ASPHD2: variants seen among roughly 807,000 people sequenced by gnomAD.
The protein encoded by ASPHD2 is aspartate beta-hydroxylase domain containing 2.
A neutral mutation model predicts 34.6 loss-of-function variants in ASPHD2; 12 were observed. The ratio of observed to expected loss-of-function variants is 0.35; its 90% CI spans 0.22 to 0.56. The LOEUF is 0.56. Ranked by LOEUF, ASPHD2 falls within the 20% of genes least tolerant of loss-of-function variation. ASPHD2 has a pLI of 0.87. For synonymous variants in ASPHD2, 224 were observed against 212.2 expected, an observed-to-expected ratio of 1.06 and a Z score of -0.48; for missense variants, 375 against 505.0, an observed-to-expected ratio of 0.74 and a Z score of 2.47.
At chr22:26,432,531 A>G (rs2084763523) in intron 1 of ASPHD2, among the ~76,000 whole-genome samples, 1 of 152,234 alleles carries the variant, frequency 6.6e-6, no homozygotes, top group African/African-American at 2.4e-5. Flanking sequence ...CTTAGGCAGC[A>G]TGACATTCAG....
At chr22:26,437,276 A>G (rs1167902921) in intron 2 of ASPHD2, among the ~76,000 whole-genome samples, 1 of 152,210 alleles carries the variant, frequency 6.6e-6, no homozygotes, top group African/African-American at 2.4e-5. Context: ...TGCTCTTGAA[A>G]TGCCAATGCT....
At chr22:26,442,647 C>T in intron 3 of ASPHD2, 75 bp downstream of exon 3, 1 of 1,252,156 alleles carries the variant, frequency 8.0e-7, no homozygotes, top group Non-Finnish European at 1.1e-6. Context: ...TTTAGGTTTC[C>T]AGAAAAATCA....
At chr22:26,440,405 C>T (rs2084828595) in intron 2 of ASPHD2, among the ~76,000 whole-genome samples, 3 of 152,134 alleles carry the variant, frequency 2.0e-5, no homozygotes, top group Admixed American at 6.5e-5. Context: ...AATCTCGGCT[C>T]ACTGCAACCT....
chr22:26,437,830 C>T (rs1205843189), intron 2 of ASPHD2, among the ~76,000 whole-genome samples: 2 of 151,910 alleles, frequency 1.3e-5, no homozygotes, highest in East Asian at 1.9e-4. Flanking sequence ...TTTCAGGGCT[C>T]GGTAGGGACA....
In ASPHD2 at chr22:26,438,496, C is replaced by CATATATAT. The variant is rs1568983882; in HGVS notation, c.887-3962_887-3961insTATATATA. Among the ~76,000 whole-genome samples, 44 of 88,372 alleles carry CATATATAT rather than the reference C, an allele frequency of 5.0e-4. 1 individual carries two copies. The highest frequency in any genetic ancestry group is 5.1e-3 in the Middle Eastern group (1 of 198). The allele number at this position is 88,372 out of a possible 152,430, so 58.0% of individuals were successfully genotyped here. On this transcript the variant is annotated intron_variant, in intron 2 of 3. Transcript: ENST00000215906. ...ATATATATACATATATATAGATACA[C>CATATATAT]ACATACATATATATACATACATATA... is the stretch of plus-strand genomic sequence containing the variant.
intron 2 of ASPHD2, among the ~76,000 whole-genome samples, chr22:26,438,642 TATACACATAC>T (rs1568984123): frequency 0.029 from 1,162 of 40,324 alleles, 51 homozygotes; most frequent in African/African-American, 0.077. Context: ...TACATATATA[TATACACATAC>T]ATATATATAT....
chr22:26,441,319 A>G (rs1438740141), intron 2 of ASPHD2, among the ~76,000 whole-genome samples: 1 of 152,012 alleles, frequency 6.6e-6, no homozygotes, highest in East Asian at 1.9e-4. Context: ...TTTACAAAAA[A>G]AAGTTTAAAT....
chr22:26,438,570 T>TATATAC lies in ASPHD2; in HGVS notation c.887-3888_887-3887insTATACA, dbSNP rs1410447199. 9.0e-3 allele frequency among the ~76,000 whole-genome samples: 1,095 copies of TATATAC among 122,228 alleles called. 21 individuals carry two copies. The highest frequency in any genetic ancestry group is 0.03 in the African/African-American group (1,037 of 34,552). The allele number at this position is 122,228 out of a possible 152,430, so 80.2% of individuals were successfully genotyped here. A position where few individuals can be genotyped will look rare whatever the true frequency, so the allele number is the denominator to read the frequency against. Reference sequence around the variant, plus strand: ...ATATATACACATACATATATACACATACATATATATACATACATATATATA... The same window carrying TATATAC: ...ATATATACACATACATATATACACATATATACACATATATATACATACATATATATA... On this transcript the variant is annotated intron_variant, in intron 2 of 3. Transcript: ENST00000215906.
chr22:26,437,348 A>C (rs968623852), intron 2 of ASPHD2, among the ~76,000 whole-genome samples: 6 of 152,178 alleles, frequency 3.9e-5, no homozygotes, highest in Non-Finnish European at 7.3e-5. Context: ...GGACCACTGA[A>C]GACCCAGCCA....
chr22:26,437,973 G>C (rs1354422090), intron 2 of ASPHD2, among the ~76,000 whole-genome samples: 1 of 152,192 alleles, frequency 6.6e-6, no homozygotes, highest in Non-Finnish European at 1.5e-5. Flanking sequence ...AACTAAGCTG[G>C]TTTGTGGGCA....
At chr22:26,438,678 T>C (rs2010996) in intron 2 of ASPHD2, among the ~76,000 whole-genome samples, 65,104 of 131,396 alleles carry the variant, frequency 0.5, 17,161 homozygotes, top group East Asian at 0.59. Flanking sequence ...CATACATACA[T>C]ACACACACAC....
At chr22:26,440,074 G>A (rs992311141) in intron 2 of ASPHD2, among the ~76,000 whole-genome samples, 1 of 152,178 alleles carries the variant, frequency 6.6e-6, no homozygotes, top group African/African-American at 2.4e-5. Flanking sequence ...TCCTCTTCCA[G>A]GACTCTGCTT....
intron 2 of ASPHD2, among the ~76,000 whole-genome samples, chr22:26,438,640 TATATACACATAC>T (rs766158850): frequency 0.019 from 753 of 39,700 alleles, 49 homozygotes; most frequent in Middle Eastern, 0.045. Flanking sequence ...TATACATATA[TATATACACATAC>T]ATATATATAT....
intron 1 of ASPHD2, among the ~76,000 whole-genome samples, chr22:26,432,353 A>G (rs1366710434): frequency 6.6e-6 from 1 of 152,324 alleles, no homozygotes; most frequent in South Asian, 2.1e-4. Flanking sequence ...CAACTTTTCC[A>G]TTTTTTAAGC....
chr22:26,440,625 T>C (rs896917009), intron 2 of ASPHD2, among the ~76,000 whole-genome samples: 2 of 152,142 alleles, frequency 1.3e-5, no homozygotes, highest in Non-Finnish European at 2.9e-5. Flanking sequence ...TGTGAGCCAC[T>C]GTGCCCAGCC....
intron 1 of ASPHD2, among the ~76,000 whole-genome samples, chr22:26,431,433 CAAAAG>C (rs2084755575): frequency 7.3e-6 from 1 of 136,246 alleles, no homozygotes; most frequent in Non-Finnish European, 1.6e-5. Context: ...AAAAAAAAAA[CAAAAG>C]AAAACAAAAA....
rs777347826 is a variant in ASPHD2 at position 26,434,375 on chromosome 22, C to T, written c.760C>T (p.Leu254Phe). ...CRKCPRTYRL[L>F]GSLRTCIGNN... ...GAAGTGCCCACGGACGTACCGCTTG[C>T]TCGGAAGCCTTCGGACCTGTATTGG... The change falls in exon 2 of 4, where the codon CTC becomes TTC. Residue 254 changes from leucine (L) to phenylalanine (F), a missense_variant. Leu to Phe is a conservative substitution (Grantham distance 22). This residue lies in a region of ASPHD2 where 142 missense variants were observed against 217.9 expected (regional missense o/e 0.65). Coordinates refer to ENST00000215906, the MANE Select transcript of ASPHD2 (RefSeq NM_020437.5). 1.2e-6 allele frequency: 2 copies of T among 1,614,228 alleles called. No homozygotes were observed. Among genetic ancestry groups the T allele is most frequent in the South Asian group, 1.1e-5 (1 of 91,088 alleles).
chr22:26,431,012 G>T (rs1354333818), intron 1 of ASPHD2, among the ~76,000 whole-genome samples: 1 of 152,160 alleles, frequency 6.6e-6, no homozygotes, highest in Non-Finnish European at 1.5e-5. Flanking sequence ...GTGATCAGCA[G>T]GGCTGATGGG....
At chr22:26,435,601 C>G (rs1440385079) in intron 2 of ASPHD2, among the ~76,000 whole-genome samples, 3 of 152,132 alleles carry the variant, frequency 2.0e-5, no homozygotes, top group African/African-American at 7.2e-5. Flanking sequence ...GGGAAGGAGC[C>G]GGAGCTGGGG....
Sources: gnomAD v4.1 joint callset for allele counts (sites outside exome capture counted in the v4.1 genomes callset) on GRCh38, gnomAD v4.1.1 for gene constraint, gnomAD v4.1.1 regional missense constraint, MANE v1.5 for transcripts, NCBI Gene and HGNC (gene_info 2026-07-23, HGNC 2026-07-21) for gene names.